The following SOX6 variants were observed in gnomAD, a reference collection of about 807,000 sequenced individuals.
SOX6 encodes the protein SRY-box transcription factor 6.
Under a neutral mutation model 97.8 loss-of-function variants are expected in SOX6, and 11 were observed. The ratio of observed to expected loss-of-function variants is 0.11; its 90% CI spans 0.07 to 0.19. SOX6 has a LOEUF of 0.19. Among genes scored for constraint, SOX6 ranks in the 10% least tolerant of loss-of-function variants. The pLI, the probability that SOX6 is intolerant of heterozygous loss-of-function variation, is 1.00. For synonymous variants in SOX6, 360 were observed against 371.4 expected (o/e 0.97, Z 0.35); for missense variants, 810 against 1,039.5 (o/e 0.78, Z 3.04).
At position 16,283,887 on chromosome 11, in the gene SOX6, A is replaced by C. The variant is rs1481921035; in HGVS notation, c.445+34559T>G. 53 of 429,236 alleles carry C rather than the reference A, an allele frequency of 1.2e-4. No individual in the cohort carries two copies. The Admixed American group carries it at 1.4e-3, about 12-fold the overall frequency. 26.6% of individuals were successfully genotyped at this position (429,236 alleles called of 1,614,324 possible). A position where few individuals can be genotyped will look rare whatever the true frequency, so the allele number is the denominator to read the frequency against. ...CAGCAGTTATGGTTTAAAATAACTA[A>C]GGTACTCCAGAAATCTTGAAAGAAA... is the stretch of plus-strand genomic sequence containing the variant. On this transcript the variant is annotated intron_variant, in intron 3 of 15. Coordinates refer to ENST00000683767, the MANE Select transcript of SOX6 (RefSeq NM_001367873.1).
chr11:16,090,298 A>G (rs1848657821), intron 9 of SOX6, among the ~76,000 whole-genome samples: 1 of 152,102 alleles, frequency 6.6e-6, no homozygotes, highest in Non-Finnish European at 1.5e-5. Context: ...CACAGTGATT[A>G]ACAGAGCTTA....
chr11:16,370,187 C>G (rs1307365755), intron 1 of SOX6, among the ~76,000 whole-genome samples: 2 of 152,116 alleles, frequency 1.3e-5, no homozygotes, highest in African/African-American at 4.8e-5. Context: ...ACAAATTTTT[C>G]CATTTTTTTC....
At chr11:16,308,141 T>C (rs569793656) in intron 3 of SOX6, among the ~76,000 whole-genome samples, 1 of 152,296 alleles carries the variant, frequency 6.6e-6, no homozygotes, top group Admixed American at 6.5e-5. Flanking sequence ...GATATCAAAA[T>C]TGGATAGAAG....
At chr11:16,136,264 C>T (rs763210137) in intron 6 of SOX6, among the ~76,000 whole-genome samples, 5 of 151,902 alleles carry the variant, frequency 3.3e-5, no homozygotes, top group Admixed American at 6.6e-5. Context: ...GTCATCCACC[C>T]GCCTCGGCCT....
At chr11:16,224,531 G>C (rs1009833251) in intron 4 of SOX6, among the ~76,000 whole-genome samples, 2 of 151,910 alleles carry the variant, frequency 1.3e-5, no homozygotes, top group Non-Finnish European at 2.9e-5. Context: ...AACCCCAAGT[G>C]GGGGGAGGTT....
At chr11:16,030,900 A>G (rs145523485) in intron 12 of SOX6, among the ~76,000 whole-genome samples, 1 of 152,300 alleles carries the variant, frequency 6.6e-6, no homozygotes, top group East Asian at 1.9e-4. Flanking sequence ...ACCTCATTCC[A>G]ATGAAACAGG....
chr11:16,490,038 A>G (rs1374658294), intron 4 of SOX6, among the ~76,000 whole-genome samples: 3 of 152,134 alleles, frequency 2.0e-5, no homozygotes, highest in African/African-American at 7.2e-5. Flanking sequence ...CTAGCAACAT[A>G]TTGAGCCCAC....
intron 1 of SOX6, among the ~76,000 whole-genome samples, chr11:16,381,773 T>A (rs1182523704): frequency 2.0e-5 from 3 of 151,500 alleles, no homozygotes; most frequent in Non-Finnish European, 4.4e-5. Context: ...TTCTTCTTAT[T>A]CCCCCACTCC....
chr11:16,163,625 T>C (rs936470183), intron 6 of SOX6, among the ~76,000 whole-genome samples: 8 of 152,186 alleles, frequency 5.3e-5, no homozygotes, highest in Admixed American at 5.2e-4. Flanking sequence ...ATGAAAAGTA[T>C]CTCTCCCTTA....
rs550089768 is a variant in SOX6 at position 16,574,380 on chromosome 11, C to G, written n.609+37701G>C. Among the ~76,000 whole-genome samples, 60 of 152,086 alleles carry G rather than the reference C, an allele frequency of 3.9e-4. 1 individual carries two copies. The highest frequency in any genetic ancestry group is 1.5e-3 in the South Asian group (7 of 4,826). On this transcript the variant is annotated intron_variant and non_coding_transcript_variant, in intron 4 of 5. Transcript: ENST00000524520. ...ATAAGACAAAGGTAACCCTGTAGAG[C>G]AGTCAAGAAAAGAGATTTTAATAAA...
At chr11:16,303,705 T>G (rs1855334358) in intron 3 of SOX6, among the ~76,000 whole-genome samples, 1 of 152,142 alleles carries the variant, frequency 6.6e-6, no homozygotes, top group African/African-American at 2.4e-5. Flanking sequence ...ACAGACTATT[T>G]GGGGGAAAAC....
intron 2 of SOX6, among the ~76,000 whole-genome samples, chr11:16,322,874 G>C (rs1855968665): frequency 6.6e-6 from 1 of 152,086 alleles, no homozygotes; most frequent in African/African-American, 2.4e-5. Flanking sequence ...TTTTAAAGCT[G>C]GTTGTGATTC....
chr11:15,973,825 C>T (rs959346013), intron 15 of SOX6, among the ~76,000 whole-genome samples: 4 of 152,126 alleles, frequency 2.6e-5, no homozygotes, highest in African/African-American at 9.7e-5. Context: ...AGATACGCTG[C>T]CTCACCCTAG....
chr11:16,008,420 T>C (rs1854620374), intron 13 of SOX6, among the ~76,000 whole-genome samples: 1 of 152,086 alleles, frequency 6.6e-6, no homozygotes, highest in Non-Finnish European at 1.5e-5. Flanking sequence ...CACACTGCCA[T>C]TGACACTTCT....
At chr11:16,218,137 G>A (rs1398415047) in intron 4 of SOX6, among the ~76,000 whole-genome samples, 1 of 151,934 alleles carries the variant, frequency 6.6e-6, no homozygotes, top group Non-Finnish European at 1.5e-5. Context: ...ATTTAAATAA[G>A]CACAGACTGG....
chr11:16,174,514 T>C (rs1377029152), intron 6 of SOX6, among the ~76,000 whole-genome samples: 1 of 151,956 alleles, frequency 6.6e-6, no homozygotes, highest in Non-Finnish European at 1.5e-5. Context: ...TTACTATATG[T>C]GAATTAAAAA....
intron 6 of SOX6, among the ~76,000 whole-genome samples, chr11:16,156,444 T>C (rs1331496867): frequency 6.6e-6 from 1 of 152,068 alleles, no homozygotes; most frequent in Non-Finnish European, 1.5e-5. Flanking sequence ...CACCTGATAA[T>C]GATTCCTAAA....
intron 1 of SOX6, among the ~76,000 whole-genome samples, chr11:16,399,930 G>A (rs1398080597): frequency 1.3e-5 from 2 of 151,438 alleles, no homozygotes; most frequent in African/African-American, 4.8e-5. Flanking sequence ...GTTTTAGCCA[G>A]TGCAAAAATT....
At chr11:16,184,022 T>A in intron 5 of SOX6, 68 bp from the exon 6 acceptor site, 1 of 1,334,748 alleles carries the variant, frequency 7.5e-7, no homozygotes, top group Non-Finnish European at 1.1e-6. Context: ...CTCAGGTATT[T>A]CTCCTGGTAT....
Sources: allele counts gnomAD v4.1 joint callset (sites outside exome capture counted in the v4.1 genomes callset), GRCh38; gene constraint gnomAD v4.1.1; transcripts MANE v1.5; gene names NCBI Gene and HGNC (gene_info 2026-07-23, HGNC 2026-07-21).